TEX36: variants seen among roughly 807,000 people sequenced by gnomAD.
TEX36 encodes testis expressed 36.
A neutral mutation model predicts 13.6 loss-of-function variants in TEX36; 12 were observed. That is an observed-to-expected ratio of 0.88 (90% CI 0.56 to 1.43). The LOEUF (loss-of-function observed/expected upper bound fraction) is 1.43. Ranked by LOEUF, TEX36 falls within the 40% of genes most tolerant of loss-of-function variation. TEX36 has a pLI of 0.00. For synonymous variants in TEX36, 93 were observed against 83.0 expected (o/e 1.12, Z -0.65); for missense variants, 224 against 228.3 (o/e 0.98, Z 0.12).
intron 1 of TEX36, among the ~76,000 whole-genome samples, chr10:125,671,000 T>G (rs1044813441): frequency 2.6e-5 from 4 of 152,202 alleles, no homozygotes; most frequent in Non-Finnish European, 5.9e-5. Flanking sequence ...TAGTATAGTT[T>G]GAAGTCAGGT....
chr10:125,578,702 A>G (rs1845853534), intron 3 of TEX36, among the ~76,000 whole-genome samples: 1 of 152,064 alleles, frequency 6.6e-6, no homozygotes, highest in South Asian at 2.1e-4. Flanking sequence ...CTCCTCTGCT[A>G]CACCCATGGC....
chr10:125,605,859 C>T (rs1846209808), intron 3 of TEX36, among the ~76,000 whole-genome samples: 2 of 152,208 alleles, frequency 1.3e-5, no homozygotes, highest in African/African-American at 4.8e-5. Flanking sequence ...TCCTCAGCCT[C>T]CCAAAGGGCT....
At chr10:125,615,001 C>T (rs1372345925) in intron 3 of TEX36, among the ~76,000 whole-genome samples, 1 of 152,138 alleles carries the variant, frequency 6.6e-6, no homozygotes, top group Non-Finnish European at 1.5e-5. Flanking sequence ...CTTTCACATC[C>T]CTTGTAAGTT....
At chr10:125,596,998 C>T (rs1032374555) in intron 3 of TEX36, among the ~76,000 whole-genome samples, 14 of 152,178 alleles carry the variant, frequency 9.2e-5, no homozygotes, top group African/African-American at 3.4e-4. Context: ...ACATGAGATG[C>T]CCTTTGCAAC....
chr10:125,599,552 G>GATAC (rs1189064224), intron 3 of TEX36, among the ~76,000 whole-genome samples: 1 of 152,116 alleles, frequency 6.6e-6, no homozygotes, highest in East Asian at 1.9e-4. Context: ...GGAGGACCTG[G>GATAC]ATGAATAGCA....
intron 3 of TEX36, 77 bp from the exon 4 acceptor site, chr10:125,656,273 T>C: frequency 1.7e-6 from 2 of 1,206,704 alleles, no homozygotes; most frequent in Non-Finnish European, 1.1e-6. Flanking sequence ...TTTTTTTTTT[T>C]TGAGACAGAG....
At chr10:125,631,686 G>T (rs1318907613) in intron 3 of TEX36, among the ~76,000 whole-genome samples, 1 of 152,210 alleles carries the variant, frequency 6.6e-6, no homozygotes, top group East Asian at 1.9e-4. Context: ...CTTCTGGTGG[G>T]TAGGGGGAGA....
chr10:125,682,805 T>C lies in TEX36; in HGVS notation c.51+134A>G, dbSNP rs116009392. ...ATTCCCATGTCACAGATGAAGAAAC[T>C]GAGGTTGAGTAAAGTGAAGTGATTT... is the stretch of plus-strand genomic sequence containing the variant. On this transcript the variant is annotated intron_variant, in intron 1 of 3. Coordinates refer to ENST00000368821, the MANE Select transcript of TEX36 (RefSeq NM_001128202.3). The C allele has an allele frequency of 1.7e-3, 1,632 of 968,814 alleles. 23 individuals carry two copies. The African/African-American group carries it at 0.024, about 14-fold the overall frequency. 60.0% of individuals were successfully genotyped at this position (968,814 alleles called of 1,614,324 possible). A position where few individuals can be genotyped will look rare whatever the true frequency, so the allele number is the denominator to read the frequency against.
chr10:125,658,280 A>C (rs918058354), intron 3 of TEX36, among the ~76,000 whole-genome samples: 1 of 152,158 alleles, frequency 6.6e-6, no homozygotes, highest in Non-Finnish European at 1.5e-5. Flanking sequence ...CCAGTATCAT[A>C]ATGTAGATAG....
intron 3 of TEX36, among the ~76,000 whole-genome samples, chr10:125,626,156 T>C (rs1424841887): frequency 1.3e-5 from 2 of 152,214 alleles, no homozygotes; most frequent in Admixed American, 6.5e-5. Flanking sequence ...GCCACTTTTC[T>C]GCCGCTGCCC....
intron 3 of TEX36, among the ~76,000 whole-genome samples, chr10:125,590,258 T>C (rs1049424115): frequency 1.3e-5 from 2 of 151,892 alleles, no homozygotes; most frequent in Admixed American, 6.6e-5. Flanking sequence ...TACAGGTGAG[T>C]GGCACCACAC....
chr10:125,668,310 A>ATT (rs58817917), intron 1 of TEX36, among the ~76,000 whole-genome samples: 2 of 145,344 alleles, frequency 1.4e-5, no homozygotes, highest in African/African-American at 5.0e-5. Flanking sequence ...TTGTTGGGAG[A>ATT]TTTTTTTTTT....
intron 1 of TEX36, among the ~76,000 whole-genome samples, chr10:125,671,572 G>T (rs1847229988): frequency 6.6e-6 from 1 of 152,150 alleles, no homozygotes; most frequent in East Asian, 1.9e-4. Flanking sequence ...TGTTCATCAT[G>T]GATATTGGCT....
At chr10:125,592,838 T>C (rs1846037821) in intron 3 of TEX36, among the ~76,000 whole-genome samples, 1 of 152,152 alleles carries the variant, frequency 6.6e-6, no homozygotes, top group East Asian at 1.9e-4. Flanking sequence ...CACCCATTTC[T>C]TATAAAGAAT....
chr10:125,618,942 TAAAAAAAAAAAA>T (rs11452140), downstream of TEX36, among the ~76,000 whole-genome samples: 498 of 43,604 alleles, frequency 0.011, 6 homozygotes, highest in Middle Eastern at 0.065. Context: ...CCGTCTCTAC[TAAAAAAAAAAAA>T]AAAAAAAAAA....
chr10:125,638,865 C>T (rs1846650144), intron 3 of TEX36, among the ~76,000 whole-genome samples: 1 of 152,226 alleles, frequency 6.6e-6, no homozygotes, highest in Admixed American at 6.5e-5. Context: ...TTCATGTTCC[C>T]AAATCTAAGG....
At chr10:125,599,577 A>C (rs1180312660) in intron 3 of TEX36, among the ~76,000 whole-genome samples, 1 of 152,178 alleles carries the variant, frequency 6.6e-6, no homozygotes, top group East Asian at 1.9e-4. Flanking sequence ...GAAATTGCCC[A>C]TCTGCTTAGG....
chr10:125,671,796 C>A (rs1342247425), intron 1 of TEX36, among the ~76,000 whole-genome samples: 1 of 152,092 alleles, frequency 6.6e-6, no homozygotes, highest in Admixed American at 6.5e-5. Context: ...TTAATTACTG[C>A]CTCAATTTCA....
In TEX36 at chr10:125,608,839, A is replaced by G. The variant is rs142778553; in HGVS notation, c.265-31965T>C. Among the ~76,000 whole-genome samples, 630 of 152,142 alleles carry G rather than the reference A, an allele frequency of 4.1e-3. 4 individuals carry two copies. The highest frequency in any genetic ancestry group is 0.014 in the African/African-American group (562 of 41,504). On this transcript the variant is annotated intron_variant, in intron 3 of 3. Coordinates refer to the TEX36 transcript ENST00000532135. ...GAGGTAATACATGCATGGAATAAAA[A>G]TTTTAAAAAGGGAGGCCGGGCGCGG...
Sources: gnomAD v4.1 joint callset for allele counts (sites outside exome capture counted in the v4.1 genomes callset) on GRCh38, gnomAD v4.1.1 for gene constraint, MANE v1.5 for transcripts, NCBI Gene and HGNC (gene_info 2026-07-23, HGNC 2026-07-21) for gene names.